Variants in DNAH10 observed in about 807,000 individuals in gnomAD.
DNAH10 encodes axonemal beta dynein heavy chain 10.
A neutral mutation model predicts 506.6 loss-of-function variants in DNAH10; 348 were observed. That is an observed-to-expected ratio of 0.69 (90% confidence interval 0.63 to 0.75). The LOEUF (loss-of-function observed/expected upper bound fraction) is 0.75. Ranked by LOEUF, DNAH10 falls within the 30% of genes least tolerant of loss-of-function variation. The probability of loss-of-function intolerance (pLI) is 0.00; values close to 1 mark genes in which losing one functional copy is unlikely to be tolerated. For synonymous variants in DNAH10, 2,059 were observed against 2,198.6 expected (o/e 0.94, Z 1.78); for missense variants, 5,179 against 5,787.1 (o/e 0.89, Z 3.41).
At chr12:123,838,998 G>A (rs1003855712) in intron 29 of DNAH10, among the ~76,000 whole-genome samples, 9 of 151,964 alleles carry the variant, frequency 5.9e-5, no homozygotes, top group Admixed American at 1.3e-4. Context: ...ATTTTTTGGA[G>A]AGATGAGGTC....
Position 123,868,043 on chromosome 12 carries a change from C to A in DNAH10, c.7443C>A (p.Asp2481Glu), listed in dbSNP as rs61735933. The A allele has an allele frequency of 6.2e-7, 1 of 1,613,850 alleles. No individual in the cohort carries two copies. Among genetic ancestry groups the A allele is most frequent in the Non-Finnish European group, 8.5e-7 (1 of 1,179,882 alleles). ...TTGAGGATGGAAGGATGAAATTTGA[C>A]GAATATATCAAACGCCTTGCTTCTT... is the stretch of plus-strand genomic sequence containing the variant. ...SLLEDGRMKF[D>E]EYIKRLASLS... The change falls in exon 43 of 79, where the codon GAC becomes GAA. Residue 2481 changes from aspartate to glutamate, a missense_variant. Asp to Glu is a conservative substitution (Grantham distance 45). Transcript: ENST00000673944.
chr12:123,909,571 A>T lies in DNAH10; in HGVS notation c.9997+129A>T. 1 of 1,212,860 alleles carries T rather than the reference A, an allele frequency of 8.2e-7. No homozygotes were observed. The highest frequency in any genetic ancestry group is 1.1e-6 in the Non-Finnish European group (1 of 893,942). The allele number at this position is 1,212,860 out of a possible 1,614,324, so 75.1% of individuals were successfully genotyped here. ...TCCCCTTCTGGTCAGATGGTATCGG[A>T]TGGAACAGGCAACTGATGGTCACCA... On this transcript the variant is annotated intron_variant, in intron 58 of 78. Coordinates refer to ENST00000673944, the MANE Select transcript of DNAH10 (RefSeq NM_001372106.1). The surrounding 1 kb of genome is among the most constrained non-coding windows in gnomAD (Gnocchi z 5.4).
Position 123,875,652 on chromosome 12 carries a change from A to T in DNAH10, c.8199+161A>T, listed in dbSNP as rs554197464. ...ATTTCTTGCAAAATCAGAAGAAAAA[A>T]ATCATCTTTATACGATGCCATTATA... On this transcript the variant is annotated intron_variant, in intron 47 of 78. Transcript: ENST00000673944. Among the ~76,000 whole-genome samples, 66 of 152,344 alleles carry T rather than the reference A, an allele frequency of 4.3e-4. No homozygotes were observed. In the East Asian group the frequency reaches 9.2e-3, roughly 21 times the overall value.
In DNAH10 at chr12:123,875,482, C is replaced by A; in HGVS notation, c.8190C>A (p.Gly2730=). Residue 2730 remains glycine (G), a synonymous_variant, in exon 47 of 79, where the codon GGC becomes GGA. Transcript: ENST00000673944. ...TAATTTATTCCTCCATCCTGAAAGG[C>A]CACACCTCGGTAACTTGATTTTAAC... ...LHLIYSSILK[G]HTSTFHESIV... is the part of the protein sequence containing the mutation. The A allele has an allele frequency of 6.2e-7, 1 of 1,613,710 alleles. No homozygotes were observed. Among genetic ancestry groups the A allele is most frequent in the Non-Finnish European group, 8.5e-7 (1 of 1,179,624 alleles).
At chr12:123,800,005 T>C (rs1958422796) in intron 14 of DNAH10, among the ~76,000 whole-genome samples, 1 of 152,174 alleles carries the variant, frequency 6.6e-6, no homozygotes, top group South Asian at 2.1e-4. Flanking sequence ...TAGGTGAAAT[T>C]GCTCCATTTT....
intron 54 of DNAH10, among the ~76,000 whole-genome samples, chr12:123,896,413 A>G (rs56856333): frequency 6.6e-6 from 1 of 152,132 alleles, no homozygotes; most frequent in South Asian, 2.1e-4. Context: ...AGCTGAATGC[A>G]TTTAACAACC....
rs370318135 is a variant in DNAH10, at chr12:123,929,418, G to T, written c.12450G>T (p.Gln4150His). ...YVLAFFHAVV[Q>H]ERRKFGKIGW... Reference sequence around the variant, plus strand: ...TGGCGTTCTTTCATGCTGTGGTGCAGGAGAGAAGGAAGTTTGGGAAGATTG... The same window carrying T: ...TGGCGTTCTTTCATGCTGTGGTGCATGAGAGAAGGAAGTTTGGGAAGATTG... The change falls in exon 71 of 79, where the codon CAG (glutamine) becomes CAT (histidine). Residue 4150 changes from glutamine (Q) to histidine (H), a missense_variant. By Grantham distance (24) the Gln-to-His change is conservative. Around this residue, in one of 3 missense-constraint regions of DNAH10, gnomAD observed 4,844 missense variants for 5,430.5 expected, o/e 0.89. Transcript: ENST00000673944. The T allele has an allele frequency of 1.2e-6, 2 of 1,613,736 alleles. No homozygotes were observed. Among genetic ancestry groups the T allele is most frequent in the Non-Finnish European group, 1.7e-6 (2 of 1,179,808 alleles).
chr12:123,900,493 C>T (rs1017051350), intron 56 of DNAH10, among the ~76,000 whole-genome samples: 2 of 152,138 alleles, frequency 1.3e-5, no homozygotes, highest in South Asian at 2.1e-4. Flanking sequence ...TACTGAGGAC[C>T]GCCTATTTGC....
chr12:123,803,921 T>C, intron 17 of DNAH10, 96 bp downstream of exon 17: 9 of 1,173,222 alleles, frequency 7.7e-6, no homozygotes, highest in Non-Finnish European at 1.1e-5. Flanking sequence ...AATATACATA[T>C]GTATTTGTAT....
chr12:123,799,685 T>C (rs931985173), intron 14 of DNAH10, among the ~76,000 whole-genome samples: 2 of 152,194 alleles, frequency 1.3e-5, no homozygotes, highest in African/African-American at 4.8e-5. Flanking sequence ...TTGAATCATA[T>C]ATGAAACAGA....
At chr12:123,800,812 T>C (rs934299296) in intron 15 of DNAH10, among the ~76,000 whole-genome samples, 1 of 149,842 alleles carries the variant, frequency 6.7e-6, no homozygotes, top group African/African-American at 2.5e-5. Flanking sequence ...AGGTCAGGAG[T>C]TCAAGACCAG....
chr12:123,826,608 TA>T, intron 24 of DNAH10, 78 bp from the exon 25 acceptor site: 2 of 1,311,326 alleles, frequency 1.5e-6, no homozygotes, highest in Admixed American at 2.1e-5. Flanking sequence ...TGAACGTGAC[TA>T]AGAGTCAAGA....
chr12:123,923,425 A>G, intron 65 of DNAH10: 1 of 175,636 alleles, frequency 5.7e-6, no homozygotes, highest in Non-Finnish European at 1.2e-5. Flanking sequence ...CCATGGAGTC[A>G]GGCAAACAAC....
In DNAH10 at chr12:123,861,136, G is replaced by T; in HGVS notation, c.6874G>T (p.Glu2292Ter). 6.2e-7 allele frequency: 1 copy of T among 1,613,888 alleles called. No individual in the cohort carries two copies. Among genetic ancestry groups the T allele is most frequent in the East Asian group, 2.2e-5 (1 of 44,878 alleles). The change falls in exon 39 of 79, where the codon GAA (glutamate) becomes TAA (stop). Residue 2292 changes from glutamate (E) to a stop codon, truncating the protein, a stop_gained. Coordinates refer to ENST00000673944, the MANE Select transcript of DNAH10 (RefSeq NM_001372106.1). LOFTEE classifies it high-confidence loss of function. ...TGGGGTGTTGTCAAACATCTTCAGG[G>T]AAATCAACAAGCCAACAGACAAGAA... ...TDGVLSNIFR[E>*]INKPTDKKER...
chr12:123,894,834 T>A, intron 54 of DNAH10, 111 bp downstream of exon 54: 1 of 913,656 alleles, frequency 1.1e-6, no homozygotes, highest in Non-Finnish European at 1.7e-6. Flanking sequence ...GAAAACCCTA[T>A]GGTAACAAAT....
rs764556675 is a variant in DNAH10, at chr12:123,850,601, T to C, written c.6103-287T>C. Reference sequence around the variant, plus strand: ...GACCTGCTGAGGGTCACACAGCTTCTTGTATCAGCCCCAGACTCTGTGCTT... The same window carrying C: ...GACCTGCTGAGGGTCACACAGCTTCCTGTATCAGCCCCAGACTCTGTGCTT... On this transcript the variant is annotated intron_variant, in intron 34 of 78. Coordinates refer to ENST00000673944, the MANE Select transcript of DNAH10 (RefSeq NM_001372106.1). The surrounding 1 kb of genome is among the most constrained non-coding windows in gnomAD (Gnocchi z 5.5). Among the ~76,000 whole-genome samples the C allele has an allele frequency of 1.3e-5, 2 of 152,200 alleles. No homozygotes were observed. Among genetic ancestry groups the C allele is most frequent in the African/African-American group, 2.4e-5 (1 of 41,452 alleles).
At position 123,835,007 on chromosome 12, in the gene DNAH10, C is replaced by A. The variant is rs141088681; in HGVS notation, c.4780-399C>A. Among the ~76,000 whole-genome samples, 95 of 152,244 alleles carry A rather than the reference C, an allele frequency of 6.2e-4. 1 individual carries two copies. The highest frequency in any genetic ancestry group is 1.6e-3 in the African/African-American group (68 of 41,544). ...GCATTCATGTACAACTACTTGAGTC[C>A]CTGTTTTCAATTCTTTTGGGTCAAT... On this transcript the variant is annotated intron_variant, in intron 27 of 78. Transcript: ENST00000673944.
intron 52 of DNAH10, among the ~76,000 whole-genome samples, chr12:123,890,301 T>C (rs938424268): frequency 1.1e-4 from 16 of 152,158 alleles, no homozygotes; most frequent in African/African-American, 2.9e-4. Context: ...GACAGGGTCT[T>C]ACTCTGTTGC....
chr12:123,873,139 A>G (rs1172297934), intron 45 of DNAH10, among the ~76,000 whole-genome samples: 2 of 152,232 alleles, frequency 1.3e-5, no homozygotes, highest in African/African-American at 4.8e-5. Flanking sequence ...TATTGAAAAT[A>G]CTGTTGGATA....
Sources: allele counts gnomAD v4.1 joint callset (sites outside exome capture counted in the v4.1 genomes callset), GRCh38; gene constraint gnomAD v4.1.1; regional missense constraint gnomAD v4.1.1; non-coding constraint Gnocchi (gnomAD v3.1); transcripts MANE v1.5; gene names NCBI Gene and HGNC (gene_info 2026-07-23, HGNC 2026-07-21).